Variants in PLXDC2 observed in about 807,000 individuals in gnomAD.
PLXDC2 encodes the protein plexin domain-containing protein 2.
Under a neutral mutation model 68.9 loss-of-function variants are expected in PLXDC2, and 40 were observed. That is an observed-to-expected ratio of 0.58 (90% CI 0.45 to 0.76). PLXDC2 has a LOEUF of 0.76. PLXDC2 is among the 30% of genes least tolerant of loss of function. The probability of loss-of-function intolerance (pLI) is 0.00; values close to 1 mark genes in which losing one functional copy is unlikely to be tolerated. For missense variants in PLXDC2, 644 were observed against 661.9 expected (o/e 0.97, Z 0.30); for synonymous variants, 243 against 234.2 (o/e 1.04, Z -0.34).
chr10:20,117,051 G>GA (rs5783719), intron 4 of PLXDC2, among the ~76,000 whole-genome samples: 413 of 148,358 alleles, frequency 2.8e-3, no homozygotes, highest in African/African-American at 8.5e-3. Context: ...CCTTAAAAAT[G>GA]AAAAAAAAAA....
At chr10:20,203,736 T>C (rs1834952445) in intron 9 of PLXDC2, among the ~76,000 whole-genome samples, 1 of 152,174 alleles carries the variant, frequency 6.6e-6, no homozygotes, top group Non-Finnish European at 1.5e-5. Flanking sequence ...AGAGGAAAGA[T>C]TGAGCCTTTA....
At chr10:20,178,924 G>A (rs764403805) in intron 9 of PLXDC2, among the ~76,000 whole-genome samples, 2 of 152,068 alleles carry the variant, frequency 1.3e-5, no homozygotes, top group Non-Finnish European at 2.9e-5. Context: ...TATATCCAAA[G>A]TAGGAGGAAC....
At chr10:20,017,979 C>G (rs950903703) in intron 2 of PLXDC2, among the ~76,000 whole-genome samples, 7 of 152,142 alleles carry the variant, frequency 4.6e-5, no homozygotes, top group African/African-American at 1.7e-4. Flanking sequence ...CAGCCATTAC[C>G]CAGCTGTGGA....
intron 1 of PLXDC2, among the ~76,000 whole-genome samples, chr10:19,876,886 G>A (rs1564616536): frequency 6.6e-6 from 1 of 152,006 alleles, no homozygotes; most frequent in African/African-American, 2.4e-5. Context: ...TTTCATAGGT[G>A]TTATTACAAA....
chr10:19,941,476 T>C (rs1487860894), intron 1 of PLXDC2, among the ~76,000 whole-genome samples: 1 of 152,242 alleles, frequency 6.6e-6, no homozygotes, highest in Admixed American at 6.5e-5. Flanking sequence ...GAGCATTTTG[T>C]TGGCACATTG....
At chr10:20,267,059 T>G (rs1038137213) in intron 13 of PLXDC2, among the ~76,000 whole-genome samples, 1 of 152,162 alleles carries the variant, frequency 6.6e-6, no homozygotes, top group Non-Finnish European at 1.5e-5. Context: ...AAAAGAACAT[T>G]TGTATGCTTG....
At chr10:19,858,352 C>T (rs977648094) in intron 1 of PLXDC2, among the ~76,000 whole-genome samples, 14 of 152,094 alleles carry the variant, frequency 9.2e-5, no homozygotes, top group South Asian at 4.1e-4. Context: ...TTTTTCAAAC[C>T]GAAATCTGCA....
At chr10:20,221,788 C>T (rs1835215591) in intron 12 of PLXDC2, among the ~76,000 whole-genome samples, 1 of 152,042 alleles carries the variant, frequency 6.6e-6, no homozygotes, top group African/African-American at 2.4e-5. Context: ...AATAAGTGTG[C>T]CTAATTTAAT....
chr10:20,191,898 C>G (rs541168964), intron 9 of PLXDC2, among the ~76,000 whole-genome samples: 13 of 151,876 alleles, frequency 8.6e-5, no homozygotes, highest in Non-Finnish European at 1.9e-4. Context: ...CTGCCTTATA[C>G]CTAGAGATGC....
At chr10:20,027,209 C>T (rs934173383) in intron 2 of PLXDC2, among the ~76,000 whole-genome samples, 1 of 151,846 alleles carries the variant, frequency 6.6e-6, no homozygotes, top group Non-Finnish European at 1.5e-5. Flanking sequence ...GCGGTGGTCT[C>T]AATGTGTCCC....
At chr10:19,878,805 A>G (rs1275655004) in intron 1 of PLXDC2, among the ~76,000 whole-genome samples, 3 of 152,094 alleles carry the variant, frequency 2.0e-5, no homozygotes, top group Non-Finnish European at 4.4e-5. Flanking sequence ...CATCTCCCAC[A>G]TATTAGAGAA....
At chr10:19,981,730 C>T (rs1392882033) in intron 1 of PLXDC2, among the ~76,000 whole-genome samples, 3 of 152,156 alleles carry the variant, frequency 2.0e-5, no homozygotes, top group Non-Finnish European at 4.4e-5. Context: ...GCAGCCAACT[C>T]TTTGTAAATC....
At chr10:20,062,240 A>G (rs1352379455) in intron 3 of PLXDC2, among the ~76,000 whole-genome samples, 2 of 152,218 alleles carry the variant, frequency 1.3e-5, no homozygotes, top group African/African-American at 4.8e-5. Flanking sequence ...CCTGGCCAGC[A>G]TGGTGAAATC....
Position 19,903,829 on chromosome 10 carries a change from C to G in PLXDC2, c.112+86638C>G, listed in dbSNP as rs1564624405. On this transcript the variant is annotated intron_variant, in intron 1 of 13. Transcript: ENST00000377252. ...TTGATGTAGGCATGAATGCTATGAA[C>G]TTTCCTTTTAGCACTGCTTTTTCTG... Among the ~76,000 whole-genome samples, 6 of 151,868 alleles carry G rather than the reference C, an allele frequency of 4.0e-5. No homozygotes were observed. In the South Asian group the frequency reaches 6.2e-4, roughly 16 times the overall value.
chr10:20,020,177 A>ATTTTTTTTTTTTTTTTTTTTTTTTTT, intron 2 of PLXDC2, among the ~76,000 whole-genome samples: 1 of 98,188 alleles, frequency 1.0e-5, no homozygotes, highest in Non-Finnish European at 2.0e-5. Flanking sequence ...ACACCCAGCA[A>ATTTTTTTTTTTTTTTTTTTTTTTTTT]ATTTTTTTTT....
intron 4 of PLXDC2, among the ~76,000 whole-genome samples, chr10:20,091,227 T>A (rs1199309311): frequency 6.6e-6 from 1 of 152,114 alleles, no homozygotes; most frequent in African/African-American, 2.4e-5. Flanking sequence ...AATATCACAC[T>A]CCCCACTTCT....
intron 1 of PLXDC2, among the ~76,000 whole-genome samples, chr10:19,915,300 G>A (rs1833345699): frequency 1.3e-5 from 2 of 151,970 alleles, no homozygotes; most frequent in South Asian, 2.1e-4. Flanking sequence ...TATATTTTTA[G>A]TGGTTACTCT....
At chr10:19,952,044 A>G (rs1262384706) in intron 1 of PLXDC2, among the ~76,000 whole-genome samples, 1 of 152,164 alleles carries the variant, frequency 6.6e-6, no homozygotes, top group Non-Finnish European at 1.5e-5. Flanking sequence ...ACTGGGTACT[A>G]TGCTCAGTAC....
chr10:19,873,021 T>G (rs981352353), intron 1 of PLXDC2, among the ~76,000 whole-genome samples: 11 of 152,156 alleles, frequency 7.2e-5, no homozygotes, highest in African/African-American at 2.7e-4. Flanking sequence ...ACCAAAGAAT[T>G]GTTTTGACAG....
Sources: allele counts gnomAD v4.1 joint callset (sites outside exome capture counted in the v4.1 genomes callset), GRCh38; gene constraint gnomAD v4.1.1; transcripts MANE v1.5; gene names NCBI Gene and HGNC (gene_info 2026-07-23, HGNC 2026-07-21).